The following GABBR1 variants were observed in gnomAD, a reference collection of about 807,000 sequenced individuals.
GABBR1 encodes the protein GABA-B receptor, R1 subunit.
Under a neutral mutation model 117.7 loss-of-function variants are expected in GABBR1, and 35 were observed. That is an observed-to-expected ratio of 0.30 (90% CI 0.23 to 0.39). The LOEUF (loss-of-function observed/expected upper bound fraction) is 0.39, where lower values mean the gene tolerates loss of function less well. Ranked by LOEUF, GABBR1 falls within the 10% of genes least tolerant of loss-of-function variation. The pLI is 1.00. For synonymous variants in GABBR1, 442 were observed against 486.6 expected (o/e 0.91, Z 1.21); for missense variants, 709 against 1,241.8 (o/e 0.57, Z 6.45).
At position 29,613,115 on chromosome 6, in the gene GABBR1, T is replaced by C; in HGVS notation, c.1566+128A>G. ...TCTAATTTGAAGGTCCCTACTTCTC[T>C]GGTCGGAGACTGATTCTGCAAAGAA... On this transcript the variant is annotated intron_variant, in intron 12 of 22. Coordinates refer to ENST00000377034, the MANE Select transcript of GABBR1 (RefSeq NM_001470.4). This position sits in a 1 kb window ranked among gnomAD's most constrained non-coding sequence, Gnocchi z 4.1. 9.7e-7 allele frequency: 1 copy of C among 1,026,888 alleles called. No homozygotes were observed. Among genetic ancestry groups the C allele is most frequent in the Non-Finnish European group, 1.5e-6 (1 of 688,844 alleles). 63.6% of individuals were successfully genotyped at this position (1,026,888 alleles called of 1,614,324 possible).
chr6:29,604,358 G>T lies in GABBR1; in HGVS notation c.2712+136C>A. 9.6e-7 allele frequency: 1 copy of T among 1,038,438 alleles called. No individual in the cohort carries two copies. The highest frequency in any genetic ancestry group is 1.5e-6 in the Non-Finnish European group (1 of 675,298). 64.3% of individuals were successfully genotyped at this position (1,038,438 alleles called of 1,614,324 possible). A position where few individuals can be genotyped will look rare whatever the true frequency, so the allele number is the denominator to read the frequency against. ...ATGCTGCTCCATTCACTCCTTACAG[G>T]TTGTCTCCTAGGACCCTCCCTCCAT... is the stretch of plus-strand genomic sequence containing the variant. On this transcript the variant is annotated intron_variant, in intron 22 of 22. Coordinates refer to ENST00000377034, the MANE Select transcript of GABBR1 (RefSeq NM_001470.4). This position sits in a 1 kb window ranked among gnomAD's most constrained non-coding sequence, Gnocchi z 5.3.
chr6:29,615,264 C>A (rs1378141648), intron 11 of GABBR1, among the ~76,000 whole-genome samples: 1 of 148,722 alleles, frequency 6.7e-6, no homozygotes, highest in Non-Finnish European at 1.5e-5. Flanking sequence ...TACACTCCAG[C>A]CTGGGCGACA....
chr6:29,626,719 C>G (rs1764310033), intron 6 of GABBR1, among the ~76,000 whole-genome samples: 1 of 151,586 alleles, frequency 6.6e-6, no homozygotes, highest in African/African-American at 2.4e-5. Context: ...CCTCCTTGCC[C>G]CTCTCCCCCA....
At chr6:29,619,534 G>A (rs1034935771) in intron 11 of GABBR1, among the ~76,000 whole-genome samples, 1 of 151,952 alleles carries the variant, frequency 6.6e-6, no homozygotes, top group African/African-American at 2.4e-5. Flanking sequence ...CTCTCTTTTT[G>A]TTTAGAGCTG....
At chr6:29,610,190 C>G (rs926885996) in intron 14 of GABBR1, among the ~76,000 whole-genome samples, 15 of 152,066 alleles carry the variant, frequency 9.9e-5, no homozygotes, top group African/African-American at 3.4e-4. Context: ...AGGAGGCTTT[C>G]TTTTATCAGT....
Position 29,631,718 on chromosome 6 carries a change from G to A in GABBR1, c.86-119C>T, listed in dbSNP as rs1365402139. Reference sequence around the variant, plus strand: ...GTCTGTGGGCAGGCTGGGGACAGAGGAAGAGGGATGGGGCACTAGAGGGTG... The same window carrying A: ...GTCTGTGGGCAGGCTGGGGACAGAGAAAGAGGGATGGGGCACTAGAGGGTG... On this transcript the variant is annotated intron_variant, in intron 2 of 22. Coordinates refer to ENST00000377034, the MANE Select transcript of GABBR1 (RefSeq NM_001470.4). The surrounding 1 kb of genome is among the most constrained non-coding windows in gnomAD (Gnocchi z 5.9). The A allele has an allele frequency of 9.9e-6, 8 of 810,530 alleles. No homozygotes were observed. Among genetic ancestry groups the A allele is most frequent in the Non-Finnish European group, 1.6e-5 (8 of 487,646 alleles). The allele number at this position is 810,530 out of a possible 1,614,324, so 50.2% of individuals were successfully genotyped here. A position where few individuals can be genotyped will look rare whatever the true frequency, so the allele number is the denominator to read the frequency against.
In GABBR1 at chr6:29,607,860, C is replaced by A. The variant is rs916385324; in HGVS notation, c.1993-642G>T. Among the ~76,000 whole-genome samples the A allele has an allele frequency of 1.3e-5, 2 of 152,222 alleles. No individual in the cohort carries two copies. Among genetic ancestry groups the A allele is most frequent in the Admixed American group, 1.3e-4 (2 of 15,286 alleles). On this transcript the variant is annotated intron_variant, in intron 16 of 22. Transcript: ENST00000377034. This position sits in a 1 kb window ranked among gnomAD's most constrained non-coding sequence, Gnocchi z 5.0. The stretch of plus-strand genomic sequence containing the variant: ...TGCAGATCCCTACTCTGGAACCTCT[C>A]CTATTGCACTACAGCTAATTGTCTG...
chr6:29,623,434 C>A lies in GABBR1; in HGVS notation c.834G>T (p.Gln278His). ...GCGTTCGGAAGAAAGTGGGGAAACGCTGCCGGTTTGACAGGGCTGGTGAGC... is the reference window on the plus strand; with the variant it reads ...GCGTTCGGAAGAAAGTGGGGAAACGATGCCGGTTTGACAGGGCTGGTGAGC... ...GSSSPALSNR[Q>H]RFPTFFRTHP... is the part of the protein sequence containing the mutation. The change falls in exon 8 of 23, where the codon CAG becomes CAT. Residue 278 changes from glutamine (Q) to histidine (H), a missense_variant. Transcript: ENST00000377034. This position sits in a 1 kb window ranked among gnomAD's most constrained non-coding sequence, Gnocchi z 6.2. The A allele has an allele frequency of 2.5e-6, 4 of 1,614,048 alleles. No homozygotes were observed. The highest frequency in any genetic ancestry group is 3.4e-6 in the Non-Finnish European group (4 of 1,180,022).
In GABBR1 at chr6:29,604,880, C is replaced by G. The variant is rs1051837904; in HGVS notation, c.2548G>C (p.Val850Leu). The G allele has an allele frequency of 1.2e-6, 2 of 1,612,748 alleles. No individual in the cohort carries two copies. Among genetic ancestry groups the G allele is most frequent in the East Asian group, 2.2e-5 (1 of 44,888 alleles). The change falls in exon 21 of 23, where the codon GTT becomes CTT. Residue 850 changes from valine (V) to leucine (L), a missense_variant. Val to Leu is a conservative substitution (Grantham distance 32). Around this residue, in one of 9 missense-constraint regions of GABBR1, gnomAD observed 251 missense variants for 445.3 expected, o/e 0.56. Transcript: ENST00000377034. This position sits in a 1 kb window ranked among gnomAD's most constrained non-coding sequence, Gnocchi z 5.3. ...AIVFSSYITL[V>L]VLFVPKMRRL... ...CTTACCTTGGGCACAAAGAGCACAA[C>G]AAGAGTGATATAGGAGGAGAAAACT...
In GABBR1 at chr6:29,604,443, G is replaced by A. The variant is rs756361108; in HGVS notation, c.2712+51C>T. On this transcript the variant is annotated intron_variant, in intron 22 of 22. Transcript: ENST00000377034. The surrounding 1 kb of genome is among the most constrained non-coding windows in gnomAD (Gnocchi z 5.3). The stretch of plus-strand genomic sequence containing the variant: ...GGCTTCAGACAACCCAAGCTAAGAC[G>A]CAAGCCTCCTGGACCACTCCAACAC... The A allele has an allele frequency of 1.2e-6, 2 of 1,608,466 alleles. No individual in the cohort carries two copies. Among genetic ancestry groups the A allele is most frequent in the Non-Finnish European group, 1.7e-6 (2 of 1,176,136 alleles).
In GABBR1 at chr6:29,606,279, G is replaced by T; in HGVS notation, c.2311+112C>A. ...AAGAGTAGGGTGTTCAAACTGGGTT[G>T]ACAAGCTCTCTACCTCCTCTTCCAA... On this transcript the variant is annotated intron_variant, in intron 19 of 22. Transcript: ENST00000377034. This position sits in a 1 kb window ranked among gnomAD's most constrained non-coding sequence, Gnocchi z 4.5. The T allele has an allele frequency of 3.9e-6, 3 of 764,748 alleles. No homozygotes were observed. In the South Asian group the frequency reaches 4.4e-5, roughly 11 times the overall value. The allele number at this position is 764,748 out of a possible 1,614,324, so 47.4% of individuals were successfully genotyped here.
chr6:29,610,826 C>A (rs972981153), intron 14 of GABBR1, 98 bp downstream of exon 14: 9 of 1,057,506 alleles, frequency 8.5e-6, no homozygotes, highest in Non-Finnish European at 1.3e-5. Context: ...CACATTCCAA[C>A]CTAACAGTCT....
In GABBR1 at chr6:29,621,422, T is replaced by G; in HGVS notation, c.1132-130A>C. 1.3e-6 allele frequency: 1 copy of G among 750,006 alleles called. No homozygotes were observed. The highest frequency in any genetic ancestry group is 2.1e-6 in the Non-Finnish European group (1 of 465,638). The allele number at this position is 750,006 out of a possible 1,614,324, so 46.5% of individuals were successfully genotyped here. On this transcript the variant is annotated intron_variant, in intron 10 of 22. Coordinates refer to ENST00000377034, the MANE Select transcript of GABBR1 (RefSeq NM_001470.4). The surrounding 1 kb of genome is among the most constrained non-coding windows in gnomAD (Gnocchi z 5.0). ...AGAACTAAAAAGAGAAATCTACAAG[T>G]CTTGGGGATAGTAGGAAAGGCTGAC...
chr6:29,623,436 G>A lies in GABBR1; in HGVS notation c.832C>T (p.Gln278Ter). ...GTTCGGAAGAAAGTGGGGAAACGCT[G>A]CCGGTTTGACAGGGCTGGTGAGCTG... ...GSSSPALSNR[Q>*]RFPTFFRTHP... The change falls in exon 8 of 23, where the codon CAG becomes TAG. Residue 278 changes from glutamine (Q) to a stop codon, truncating the protein, a stop_gained. Coordinates refer to ENST00000377034, the MANE Select transcript of GABBR1 (RefSeq NM_001470.4). LOFTEE classifies it high-confidence loss of function. The surrounding 1 kb of genome is among the most constrained non-coding windows in gnomAD (Gnocchi z 6.2). 1 of 1,614,082 alleles carries A rather than the reference G, an allele frequency of 6.2e-7. No homozygotes were observed. The highest frequency in any genetic ancestry group is 1.1e-5 in the South Asian group (1 of 91,064).
At chr6:29,610,163 C>A (rs1762395043) in intron 14 of GABBR1, among the ~76,000 whole-genome samples, 1 of 151,874 alleles carries the variant, frequency 6.6e-6, no homozygotes, top group South Asian at 2.1e-4. Context: ...AATGGTTGAG[C>A]CTCCCCTTCA....
At chr6:29,617,553 G>A (rs1447978028) in intron 11 of GABBR1, among the ~76,000 whole-genome samples, 1 of 152,098 alleles carries the variant, frequency 6.6e-6, no homozygotes, top group Non-Finnish European at 1.5e-5. Context: ...ACCTGCCTCA[G>A]CCTCCCAAAG....
intron 11 of GABBR1, among the ~76,000 whole-genome samples, chr6:29,618,945 G>A (rs1052740711): frequency 3.9e-5 from 6 of 152,050 alleles, no homozygotes; most frequent in African/African-American, 9.7e-5. Context: ...ATAGTATAGC[G>A]TCTGAGTCTA....
chr6:29,617,120 TA>T (rs1763216937), intron 11 of GABBR1, among the ~76,000 whole-genome samples: 1 of 151,586 alleles, frequency 6.6e-6, no homozygotes, highest in African/African-American at 2.4e-5. Context: ...AAAATGAGAA[TA>T]ATACTATCTA....
In GABBR1 at chr6:29,627,943, G is replaced by T. The variant is rs1393098663; in HGVS notation, c.497-297C>A. 7.4e-7 allele frequency: 1 copy of T among 1,356,856 alleles called. No homozygotes were observed. The highest frequency in any genetic ancestry group is 1.9e-5 in the South Asian group (1 of 52,392). The allele number at this position is 1,356,856 out of a possible 1,614,324, so 84.1% of individuals were successfully genotyped here. On this transcript the variant is annotated intron_variant, in intron 5 of 22. Transcript: ENST00000377034. The surrounding 1 kb of genome is among the most constrained non-coding windows in gnomAD (Gnocchi z 4.4). ...CGAGGGCCCCGGAGAAGCAGGGAAG[G>T]TTGGCTTCCTACGGCCCCCGCGGCT...
Sources: gnomAD v4.1 joint callset for allele counts (sites outside exome capture counted in the v4.1 genomes callset) on GRCh38, gnomAD v4.1.1 for gene constraint, gnomAD v4.1.1 regional missense constraint, Gnocchi (gnomAD v3.1) non-coding constraint, MANE v1.5 for transcripts, NCBI Gene and HGNC (gene_info 2026-07-23, HGNC 2026-07-21) for gene names.